The following FAM124B variants were observed in gnomAD, a reference collection of about 807,000 sequenced individuals.
FAM124B encodes the protein family with sequence similarity 124 member B.
In FAM124B, 18 loss-of-function variants were observed where a neutral mutation model predicts 19.7. That is an observed-to-expected ratio of 0.92 (90% confidence interval 0.63 to 1.36). FAM124B has a LOEUF of 1.36. FAM124B is among the 40% of genes most tolerant of loss of function. The pLI is 0.00. For missense variants in FAM124B, 540 were observed against 553.3 expected, an observed-to-expected ratio of 0.98 and a Z score of 0.24; for synonymous variants, 223 against 225.2, an observed-to-expected ratio of 0.99 and a Z score of 0.09.
chr2:224,401,301 G>A lies in FAM124B; in HGVS notation c.468C>T (p.Tyr156=), dbSNP rs767708285. The stretch of plus-strand genomic sequence containing the variant: ...TCGCTTCTCTCTGCAGGATCATCTC[G>A]TAGAGTCTGATGGCGTCTTCATAGT... ...FDNYEDAIRL[Y]EMILQREATL... Residue 156 remains tyrosine, a synonymous_variant, in exon 1 of 2, where the codon TAC becomes TAT. Coordinates refer to ENST00000409685, the MANE Select transcript of FAM124B (RefSeq NM_001122779.2). The A allele has an allele frequency of 1.1e-5, 17 of 1,613,956 alleles. No homozygotes were observed. In the East Asian group the frequency reaches 2.0e-4, roughly 19 times the overall value.
intron 1 of FAM124B, chr2:224,400,084 T>C (rs1690038620): frequency 5.9e-6 from 1 of 168,414 alleles, no homozygotes; most frequent in Admixed American, 6.2e-5. Flanking sequence ...ATTTCAAGTT[T>C]TTTTAAGAAA....
chr2:224,389,306 C>T (rs1437639891), intron 1 of FAM124B, among the ~76,000 whole-genome samples: 3 of 152,180 alleles, frequency 2.0e-5, no homozygotes, highest in African/African-American at 7.2e-5. Flanking sequence ...ATTTGATTTT[C>T]TCACCTTTTG....
chr2:224,401,852 A>G lies in FAM124B; in HGVS notation c.-84T>C. On this transcript the variant is annotated 5_prime_UTR_variant, in exon 1 of 2. Coordinates refer to ENST00000409685, the MANE Select transcript of FAM124B (RefSeq NM_001122779.2). ...TCTGAAATGAATGAAGAAGCGGCCCAGCCTTCAGCCCGCCTGAAAACCTTC... is the reference window on the plus strand; with the variant it reads ...TCTGAAATGAATGAAGAAGCGGCCCGGCCTTCAGCCCGCCTGAAAACCTTC... 6.7e-7 allele frequency: 1 copy of G among 1,482,288 alleles called. No homozygotes were observed. The highest frequency in any genetic ancestry group is 9.1e-7 in the Non-Finnish European group (1 of 1,102,894). 91.8% of individuals were successfully genotyped at this position (1,482,288 alleles called of 1,614,324 possible).
At chr2:224,392,766 AC>A (rs1483848375) in intron 1 of FAM124B, among the ~76,000 whole-genome samples, 1 of 151,616 alleles carries the variant, frequency 6.6e-6, no homozygotes, top group Non-Finnish European at 1.5e-5. Flanking sequence ...AAAAAAAAAA[AC>A]AACAGATGAG....
chr2:224,386,862 A>G (rs1689807640), intron 1 of FAM124B, among the ~76,000 whole-genome samples: 1 of 152,258 alleles, frequency 6.6e-6, no homozygotes. Flanking sequence ...TAGCACCTAT[A>G]AACTAGGCCC....
chr2:224,391,109 A>G (rs1384200830), intron 1 of FAM124B, among the ~76,000 whole-genome samples: 6 of 150,938 alleles, frequency 4.0e-5, no homozygotes, highest in Admixed American at 3.9e-4. Context: ...TTGGGAGGCC[A>G]AAGTGGGTGG....
intron 1 of FAM124B, among the ~76,000 whole-genome samples, chr2:224,400,772 T>A (rs1479777723): frequency 6.6e-6 from 1 of 152,176 alleles, no homozygotes; most frequent in East Asian, 1.9e-4. Context: ...ATCTGAACTT[T>A]CTTATCTGTC....
chr2:224,399,295 A>C (rs1364626188), intron 1 of FAM124B, among the ~76,000 whole-genome samples: 1 of 152,228 alleles, frequency 6.6e-6, no homozygotes, highest in African/African-American at 2.4e-5. Flanking sequence ...CTAAAACTGA[A>C]AGAAATTTTA....
intron 1 of FAM124B, among the ~76,000 whole-genome samples, chr2:224,394,736 A>T (rs529926844): frequency 9.2e-5 from 14 of 152,184 alleles, no homozygotes; most frequent in Non-Finnish European, 1.5e-4. Context: ...CTCCAGCCCT[A>T]TACTTTGCTA....
At chr2:224,381,523 G>T (rs1386710286) in intron 1 of FAM124B, among the ~76,000 whole-genome samples, 9 of 152,102 alleles carry the variant, frequency 5.9e-5, no homozygotes, top group Non-Finnish European at 1.3e-4. Flanking sequence ...GGTTGCCAGG[G>T]GTTGGGGGGA....
intron 1 of FAM124B, among the ~76,000 whole-genome samples, chr2:224,399,240 C>A (rs950825226): frequency 1.3e-5 from 2 of 152,134 alleles, no homozygotes; most frequent in Admixed American, 1.3e-4. Flanking sequence ...ACACACATTA[C>A]ATTTTTGTTT....
At chr2:224,392,162 C>A (rs6710799) in intron 1 of FAM124B, among the ~76,000 whole-genome samples, 1 of 152,096 alleles carries the variant, frequency 6.6e-6, no homozygotes, top group African/African-American at 2.4e-5. Context: ...GAGGATTTGG[C>A]GCTGGCACGG....
At chr2:224,394,613 G>A (rs2106086127) in intron 1 of FAM124B, among the ~76,000 whole-genome samples, 1 of 152,222 alleles carries the variant, frequency 6.6e-6, no homozygotes, top group East Asian at 1.9e-4. Flanking sequence ...ATAGGTATGA[G>A]CATGTCTGCC....
At chr2:224,390,973 G>C (rs1331254747) in intron 1 of FAM124B, among the ~76,000 whole-genome samples, 1 of 150,946 alleles carries the variant, frequency 6.6e-6, no homozygotes, top group Non-Finnish European at 1.5e-5. Context: ...AAAGTGCTGG[G>C]ATTACAGGCA....
Position 224,401,386 on chromosome 2 carries a change from A to G in FAM124B, c.383T>C (p.Val128Ala), listed in dbSNP as rs1022471227. The G allele has an allele frequency of 1.2e-6, 2 of 1,613,664 alleles. No homozygotes were observed. The highest frequency in any genetic ancestry group is 1.7e-6 in the Non-Finnish European group (2 of 1,179,952). The stretch of plus-strand genomic sequence containing the variant: ...CTCGGAGCCACAGTGCACCTGCCTC[A>G]CCCCCCAGATGGGCAGCTGACTGTC... ...SLDSQLPIWG[V>A]RQVHCGSEIL... is the part of the protein sequence containing the mutation. The change falls in exon 1 of 2, where the codon GTG becomes GCG. Residue 128 changes from valine to alanine, a missense_variant. Transcript: ENST00000409685.
chr2:224,400,482 G>T (rs746385612), intron 1 of FAM124B: 18 of 695,776 alleles, frequency 2.6e-5, no homozygotes, highest in South Asian at 9.1e-5. Flanking sequence ...CTCGAGTCTG[G>T]GCAACAGAGG....
intron 1 of FAM124B, among the ~76,000 whole-genome samples, chr2:224,383,812 C>T (rs185019791): frequency 1.8e-4 from 27 of 152,286 alleles, no homozygotes; most frequent in Admixed American, 6.5e-4. Context: ...GACACTGTAC[C>T]CTTGTATCAT....
chr2:224,385,498 T>A (rs969722560), intron 1 of FAM124B, among the ~76,000 whole-genome samples: 1 of 152,174 alleles, frequency 6.6e-6, no homozygotes, highest in Non-Finnish European at 1.5e-5. Context: ...CAGGGCAATC[T>A]CAGGGGCATC....
chr2:224,381,309 C>A (rs66767914), intron 1 of FAM124B, among the ~76,000 whole-genome samples: 1 of 151,822 alleles, frequency 6.6e-6, no homozygotes, highest in Non-Finnish European at 1.5e-5. Flanking sequence ...ATAAAAACAT[C>A]AGCCAGACGT....
Sources: gnomAD v4.1 joint callset for allele counts (sites outside exome capture counted in the v4.1 genomes callset) on GRCh38, gnomAD v4.1.1 for gene constraint, MANE v1.5 for transcripts, NCBI Gene and HGNC (gene_info 2026-07-23, HGNC 2026-07-21) for gene names.